Variants in SKAP2 observed in about 807,000 individuals in gnomAD.
The protein encoded by SKAP2 is src kinase associated phosphoprotein 2.
SKAP2 carries 28 observed loss-of-function variants against 54.9 expected under a neutral mutation model. That is an observed-to-expected ratio of 0.51 (90% CI 0.38 to 0.70). The LOEUF is 0.70. Ranked by LOEUF, SKAP2 falls within the 30% of genes least tolerant of loss-of-function variation. The probability of loss-of-function intolerance (pLI) is 0.00; values close to 1 mark genes in which losing one functional copy is unlikely to be tolerated. For missense variants in SKAP2, 356 were observed against 424.1 expected (o/e 0.84, Z 1.41); for synonymous variants, 137 against 134.3 (o/e 1.02, Z -0.14).
intron 2 of SKAP2, 115 bp from the exon 3 acceptor site, chr7:26,854,277 T>G (rs1398268368): frequency 1.7e-6 from 1 of 578,260 alleles, no homozygotes; most frequent in East Asian, 3.3e-5. Context: ...AGATATACAT[T>G]AGAAAAAAAC....
At chr7:26,708,296 TG>T (rs1787213225) in intron 9 of SKAP2, among the ~76,000 whole-genome samples, 1 of 152,230 alleles carries the variant, frequency 6.6e-6, no homozygotes, top group Non-Finnish European at 1.5e-5. Flanking sequence ...TTGGACCATC[TG>T]GTTTTTAATG....
At chr7:26,805,640 G>C (rs1327417996) in intron 4 of SKAP2, among the ~76,000 whole-genome samples, 2 of 152,196 alleles carry the variant, frequency 1.3e-5, no homozygotes, top group African/African-American at 4.8e-5. Flanking sequence ...GCACCAACTT[G>C]CAGCCATGTG....
chr7:26,767,928 G>A lies in SKAP2; in HGVS notation c.308-27964C>T, dbSNP rs908609736. On this transcript the variant is annotated intron_variant, in intron 4 of 12. Coordinates refer to ENST00000345317, the MANE Select transcript of SKAP2 (RefSeq NM_003930.5). Reference sequence around the variant, plus strand: ...AGTGCAATGTGGTGCTGAGAAGAATGTATATTCTATTGATTTGGGGTGGAG... The same window carrying A: ...AGTGCAATGTGGTGCTGAGAAGAATATATATTCTATTGATTTGGGGTGGAG... Among the ~76,000 whole-genome samples, 24 of 152,176 alleles carry A rather than the reference G, an allele frequency of 1.6e-4. 1 individual carries two copies.
At chr7:26,789,702 A>G (rs1783633764) in intron 4 of SKAP2, among the ~76,000 whole-genome samples, 1 of 152,204 alleles carries the variant, frequency 6.6e-6, no homozygotes, top group Non-Finnish European at 1.5e-5. Context: ...TTCAGCAGGC[A>G]TGCTCCTGTA....
chr7:26,665,844 GT>G (rs1283311513), downstream of SKAP2, among the ~76,000 whole-genome samples: 1 of 152,090 alleles, frequency 6.6e-6, no homozygotes, highest in Admixed American at 6.6e-5. Flanking sequence ...AGTATAAACT[GT>G]TGTGCATTTG....
chr7:26,774,489 C>A (rs1340166903), intron 4 of SKAP2, among the ~76,000 whole-genome samples: 1 of 147,344 alleles, frequency 6.8e-6, no homozygotes, highest in Non-Finnish European at 1.5e-5. Context: ...GAAGAAAGAA[C>A]AAGATCAAGT....
chr7:26,854,648 G>A (rs1785121918), intron 2 of SKAP2, 137 bp downstream of exon 2: 2 of 752,328 alleles, frequency 2.7e-6, no homozygotes, highest in Non-Finnish European at 2.1e-6. Context: ...TATATTTTTT[G>A]CCCTTCAAAA....
intron 4 of SKAP2, among the ~76,000 whole-genome samples, chr7:26,835,841 C>G (rs1474408207): frequency 6.6e-6 from 1 of 152,166 alleles, no homozygotes; most frequent in Non-Finnish European, 1.5e-5. Flanking sequence ...GAAAAAACTA[C>G]TTTAAATTTC....
intron 4 of SKAP2, among the ~76,000 whole-genome samples, chr7:26,802,110 G>C (rs1260826984): frequency 6.6e-6 from 1 of 152,036 alleles, no homozygotes; most frequent in South Asian, 2.1e-4. Flanking sequence ...TCATACTACA[G>C]AGTTATAGTT....
chr7:26,682,018 A>G (rs1427772638), intron 11 of SKAP2, among the ~76,000 whole-genome samples: 1 of 152,174 alleles, frequency 6.6e-6, no homozygotes. Flanking sequence ...AAAAAAAAAC[A>G]GAAAGGTAAA....
intron 4 of SKAP2, among the ~76,000 whole-genome samples, chr7:26,805,539 G>A (rs541300511): frequency 7.2e-5 from 11 of 152,134 alleles, no homozygotes; most frequent in African/African-American, 1.9e-4. Flanking sequence ...CTCTTTCTTC[G>A]GGGGAAGCCA....
At chr7:26,785,247 C>T (rs942492678) in intron 4 of SKAP2, among the ~76,000 whole-genome samples, 4 of 152,026 alleles carry the variant, frequency 2.6e-5, no homozygotes, top group South Asian at 4.2e-4. Flanking sequence ...AGTGCAGTGG[C>T]GCGATCTCGG....
At position 26,844,137 on chromosome 7, in the gene SKAP2, CCTGTT is replaced by C; in HGVS notation, c.200-5_200-1del. 6.4e-7 allele frequency: 1 copy of C among 1,567,538 alleles called. No individual in the cohort carries two copies. Among genetic ancestry groups the C allele is most frequent in the Non-Finnish European group, 8.7e-7 (1 of 1,148,198 alleles). On this transcript the variant is annotated splice_acceptor_variant and splice_polypyrimidine_tract_variant and intron_variant, in intron 3 of 12. Coordinates refer to ENST00000345317, the MANE Select transcript of SKAP2 (RefSeq NM_003930.5). LOFTEE classifies it high-confidence loss of function. ...ATATTCTTCCCCATCTTCTGCATCA[CCTGTT>C]AAAAAAAAAAAAAATCAGAGAACTG...
rs185212690 is a variant in SKAP2, at chr7:26,708,696, C to T, written c.796+16732G>A. On this transcript the variant is annotated intron_variant, in intron 9 of 12. Transcript: ENST00000345317. The stretch of plus-strand genomic sequence containing the variant: ...CAAGCCCTTTTAGGTATCTCATTTA[C>T]TGCCATAGACTTGGCTTGGATCTTT... 2.9e-3 allele frequency among the ~76,000 whole-genome samples: 448 copies of T among 152,312 alleles called. 6 individuals carry two copies. In the Middle Eastern group the frequency reaches 0.031, roughly 10 times the overall value.
At chr7:26,784,684 G>A (rs780844741) in intron 4 of SKAP2, among the ~76,000 whole-genome samples, 3 of 152,212 alleles carry the variant, frequency 2.0e-5, no homozygotes, top group Non-Finnish European at 4.4e-5. Flanking sequence ...GTAGAAGGCT[G>A]ACACACAGTG....
chr7:26,681,190 C>T (rs1786484845), intron 11 of SKAP2, among the ~76,000 whole-genome samples: 1 of 152,210 alleles, frequency 6.6e-6, no homozygotes, highest in Non-Finnish European at 1.5e-5. Context: ...TGGCTCATGC[C>T]TCTAATCCCA....
chr7:26,746,968 T>C (rs984205918), intron 4 of SKAP2, among the ~76,000 whole-genome samples: 3 of 152,160 alleles, frequency 2.0e-5, no homozygotes, highest in African/African-American at 4.8e-5. Context: ...GAGAAATAAA[T>C]ACATAAATTA....
intron 9 of SKAP2, among the ~76,000 whole-genome samples, chr7:26,718,500 A>T (rs558792489): frequency 4.6e-5 from 7 of 151,530 alleles, no homozygotes; most frequent in South Asian, 4.2e-4. Context: ...TTTTATTTTA[A>T]TTTATTTTAT....
chr7:26,731,537 T>C (rs1787824137), intron 6 of SKAP2, among the ~76,000 whole-genome samples: 1 of 152,208 alleles, frequency 6.6e-6, no homozygotes, highest in Non-Finnish European at 1.5e-5. Context: ...AATATACTTG[T>C]GACTCATGAT....
Sources: gnomAD v4.1 joint callset for allele counts (sites outside exome capture counted in the v4.1 genomes callset) on GRCh38, gnomAD v4.1.1 for gene constraint, MANE v1.5 for transcripts, NCBI Gene and HGNC (gene_info 2026-07-23, HGNC 2026-07-21) for gene names.